Variants in TMLHE observed in about 807,000 individuals in gnomAD.
TMLHE encodes trimethyllysine dioxygenase, mitochondrial.
In TMLHE, 18 loss-of-function variants were observed where a neutral mutation model predicts 25.7. That is an observed-to-expected ratio of 0.70 (90% CI 0.48 to 1.04). TMLHE has a LOEUF of 1.04. Among genes scored for constraint, TMLHE ranks in the 50% least tolerant of loss-of-function variants. The pLI, the probability that TMLHE is intolerant of heterozygous loss-of-function variation, is 0.00. For synonymous variants in TMLHE, 105 were observed against 97.0 expected (o/e 1.08, Z -0.49); for missense variants, 236 against 259.0 (o/e 0.91, Z 0.61).
At chrX:155,553,562 T>G (rs1456498474) in intron 1 of TMLHE, among the ~76,000 whole-genome samples, 1 of 110,319 alleles carries the variant, frequency 9.1e-6, no homozygotes, top group African/African-American at 3.3e-5. Context: ...TCTTTCCATT[T>G]TATATATCTC....
At chrX:155,568,217 C>T (rs2067519545) in intron 1 of TMLHE, among the ~76,000 whole-genome samples, 1 of 61,638 alleles carries the variant, frequency 1.6e-5, no homozygotes, top group African/African-American at 3.6e-5. Flanking sequence ...CCTACGCCCA[C>T]GGAGTCTCGC....
chrX:155,510,584 A>AT (rs1484333743), intron 5 of TMLHE, among the ~76,000 whole-genome samples: 2 of 109,100 alleles, frequency 1.8e-5, no homozygotes, highest in Non-Finnish European at 3.8e-5. Context: ...TGAACTCATC[A>AT]TTTTTTATGG....
At chrX:155,560,923 C>T (rs1252474847) in intron 1 of TMLHE, among the ~76,000 whole-genome samples, 2 of 61,442 alleles carry the variant, frequency 3.3e-5, no homozygotes, top group African/African-American at 7.2e-5. Flanking sequence ...TGAGAATAAA[C>T]TGTAAACAGG....
intron 1 of TMLHE, among the ~76,000 whole-genome samples, chrX:155,576,194 T>C (rs2067588105): frequency 9.0e-6 from 1 of 111,267 alleles, no homozygotes; most frequent in Non-Finnish European, 1.9e-5. Context: ...CAAAAATCAG[T>C]AGCATTTCTA....
At chrX:155,589,096 A>G (rs1211744649) in intron 1 of TMLHE, among the ~76,000 whole-genome samples, 3 of 112,230 alleles carry the variant, frequency 2.7e-5, no homozygotes, top group Non-Finnish European at 5.6e-5. Context: ...TGTCTATTGA[A>G]GAATAGATAA....
intron 1 of TMLHE, among the ~76,000 whole-genome samples, chrX:155,599,929 T>C (rs892977860): frequency 8.1e-5 from 9 of 111,362 alleles, no homozygotes; most frequent in African/African-American, 2.6e-4. Flanking sequence ...ATATTAGGCA[T>C]CCTGAAATGT....
At chrX:155,543,193 G>A (rs782566192) in intron 2 of TMLHE, among the ~76,000 whole-genome samples, 73 of 110,667 alleles carry the variant, frequency 6.6e-4, no homozygotes, top group Non-Finnish European at 1.1e-3. Context: ...ACTGGAAGTC[G>A]TAGCCAGAGT....
At chrX:155,585,736 A>G (rs1192032624) in intron 1 of TMLHE, among the ~76,000 whole-genome samples, 1 of 111,616 alleles carries the variant, frequency 9.0e-6, no homozygotes, top group Non-Finnish European at 1.9e-5. Flanking sequence ...ATATTAAAGA[A>G]AATTTCATCC....
intron 1 of TMLHE, among the ~76,000 whole-genome samples, chrX:155,548,666 C>T (rs1456662544): frequency 3.7e-5 from 4 of 107,362 alleles, no homozygotes; most frequent in South Asian, 4.2e-4. Context: ...ACCCAGGAGG[C>T]AAAGGTTGCA....
At chrX:155,518,701 T>C (rs1192854567) in intron 3 of TMLHE, among the ~76,000 whole-genome samples, 7 of 82,832 alleles carry the variant, frequency 8.5e-5, no homozygotes, top group African/African-American at 1.5e-4. Flanking sequence ...TTTCAGAGCC[T>C]GTTATTGGTC....
chrX:155,556,420 A>T (rs1025655721), intron 1 of TMLHE, among the ~76,000 whole-genome samples: 3 of 110,966 alleles, frequency 2.7e-5, no homozygotes, highest in African/African-American at 9.8e-5. Flanking sequence ...ACAGAGTACG[A>T]AAGAGAGAAA....
At chrX:155,552,751 C>A (rs1020186101) in intron 1 of TMLHE, among the ~76,000 whole-genome samples, 2 of 109,837 alleles carry the variant, frequency 1.8e-5, no homozygotes, top group Admixed American at 9.7e-5. Flanking sequence ...CTTCTACATT[C>A]TTTAGGATTA....
rs782533766 is a variant in TMLHE at position 155,512,865 on chromosome X, A to C, written c.639-1073T>G. ...TTGTTGTTGTGTCTCTCCTTGAAGT[A>C]TACATCATATATTTTGATTTTGTAA... On this transcript the variant is annotated intron_variant, in intron 4 of 7. Coordinates refer to ENST00000334398, the MANE Select transcript of TMLHE (RefSeq NM_018196.4). Among the ~76,000 whole-genome samples, 7 of 111,886 alleles carry C rather than the reference A, an allele frequency of 6.3e-5. No homozygotes were observed. The Admixed American group carries it at 6.6e-4, about 11-fold the overall frequency.
intron 1 of TMLHE, among the ~76,000 whole-genome samples, chrX:155,574,597 C>T (rs2067578503): frequency 9.0e-6 from 1 of 111,665 alleles, no homozygotes; most frequent in South Asian, 3.7e-4. Context: ...GGGGTGAAAA[C>T]AGCAGTCAAC....
intron 1 of TMLHE, among the ~76,000 whole-genome samples, chrX:155,567,659 G>A (rs1188941600): frequency 1.6e-5 from 1 of 61,961 alleles, no homozygotes; most frequent in African/African-American, 3.6e-5. Context: ...AAAAACTATT[G>A]AATCTTGAGT....
At chrX:155,535,173 C>A (rs1159972542) in intron 2 of TMLHE, among the ~76,000 whole-genome samples, 2 of 111,860 alleles carry the variant, frequency 1.8e-5, no homozygotes, top group African/African-American at 6.5e-5. Flanking sequence ...GCAGCCTGAG[C>A]CAACTAAGAC....
chrX:155,583,922 C>G (rs961098100), intron 1 of TMLHE, among the ~76,000 whole-genome samples: 1 of 110,915 alleles, frequency 9.0e-6, no homozygotes, highest in African/African-American at 3.3e-5. Flanking sequence ...ATCCACATAA[C>G]AAAACTACAC....
intron 2 of TMLHE, among the ~76,000 whole-genome samples, chrX:155,542,685 C>G (rs1398311167): frequency 9.0e-6 from 1 of 111,629 alleles, no homozygotes; most frequent in Non-Finnish European, 1.9e-5. Flanking sequence ...TTTGAAGGAT[C>G]ATTTTGCTGG....
chrX:155,540,921 A>G (rs1334638021), intron 2 of TMLHE, among the ~76,000 whole-genome samples: 1 of 111,820 alleles, frequency 8.9e-6, no homozygotes, highest in Non-Finnish European at 1.9e-5. Flanking sequence ...AAAGTATTAT[A>G]ACTAATAAAT....
Sources: gnomAD v4.1 joint callset for allele counts (sites outside exome capture counted in the v4.1 genomes callset) on GRCh38, gnomAD v4.1.1 for gene constraint, MANE v1.5 for transcripts, NCBI Gene and HGNC (gene_info 2026-07-23, HGNC 2026-07-21) for gene names.